CYFIP2: variants seen among roughly 807,000 people sequenced by gnomAD.
CYFIP2 encodes the protein cytoplasmic FMR1 interacting protein 2.
Under a neutral mutation model 158.7 loss-of-function variants are expected in CYFIP2, and 29 were observed. That is an observed-to-expected ratio of 0.18 (90% CI 0.14 to 0.25). The LOEUF (loss-of-function observed/expected upper bound fraction) is 0.25, where lower values mean the gene tolerates loss of function less well. CYFIP2 is among the 10% of genes least tolerant of loss of function. The probability of loss-of-function intolerance (pLI) is 1.00; values close to 1 mark genes in which losing one functional copy is unlikely to be tolerated. For missense variants in CYFIP2, 852 were observed against 1,639.5 expected (o/e 0.52, Z 8.29); for synonymous variants, 585 against 617.6 (o/e 0.95, Z 0.78).
chr5:157,377,328 T>C (rs966049306), intron 26 of CYFIP2, among the ~76,000 whole-genome samples: 1 of 152,116 alleles, frequency 6.6e-6, no homozygotes, highest in African/African-American at 2.4e-5. Context: ...CAGTCTACCT[T>C]GGCTCTCAGC....
Position 157,314,416 on chromosome 5 carries a change from C to A in CYFIP2, c.1183C>A (p.Arg395=). The change falls in exon 12 of 31, where the codon CGG becomes AGG. Residue 395 remains arginine, a synonymous_variant. Coordinates refer to ENST00000620254, the MANE Select transcript of CYFIP2 (RefSeq NM_001037333.3). ...EYRELFDLAL[R]GLQLLSKWSA... Reference sequence around the variant, plus strand: ...TCGCGAGCTCTTCGACCTAGCCCTGCGGGGTCTGCAGCTTCTATCCAAGTG... The same window carrying A: ...TCGCGAGCTCTTCGACCTAGCCCTGAGGGGTCTGCAGCTTCTATCCAAGTG... 1 of 1,613,786 alleles carries A rather than the reference C, an allele frequency of 6.2e-7. No individual in the cohort carries two copies. The highest frequency in any genetic ancestry group is 8.5e-7 in the Non-Finnish European group (1 of 1,179,802).
At chr5:157,314,211 T>C in intron 11 of CYFIP2, 133 bp from the exon 12 acceptor site, 1 of 1,189,592 alleles carries the variant, frequency 8.4e-7, no homozygotes, top group South Asian at 1.9e-5. Flanking sequence ...AAGGCACTTG[T>C]CTGAGCCTCA....
chr5:157,297,151 G>A (rs998343199), intron 5 of CYFIP2, among the ~76,000 whole-genome samples: 1 of 152,268 alleles, frequency 6.6e-6, no homozygotes, highest in East Asian at 1.9e-4. Flanking sequence ...GACTCAGAGA[G>A]AGAGGCTGAC....
intron 9 of CYFIP2, among the ~76,000 whole-genome samples, 176 bp from the exon 10 acceptor site, chr5:157,309,567 C>T (rs560942555): frequency 1.8e-4 from 27 of 152,272 alleles, no homozygotes; most frequent in African/African-American, 5.8e-4. Context: ...AGGACCTATA[C>T]GCTGGCTAGG....
At chr5:157,331,939 C>T (rs1761494379) in intron 20 of CYFIP2, among the ~76,000 whole-genome samples, 1 of 152,214 alleles carries the variant, frequency 6.6e-6, no homozygotes, top group Non-Finnish European at 1.5e-5. Context: ...TGCAGTAATG[C>T]CCGCGTGTAC....
chr5:157,350,624 A>G (rs556253514), intron 23 of CYFIP2, among the ~76,000 whole-genome samples: 84 of 152,186 alleles, frequency 5.5e-4, no homozygotes, highest in African/African-American at 1.6e-3. Flanking sequence ...TTTCAGTTTC[A>G]TATTCATTTT....
chr5:157,324,017 G>A lies in CYFIP2; in HGVS notation c.1768G>A (p.Ala590Thr). The A allele has an allele frequency of 3.1e-6, 5 of 1,613,654 alleles. No homozygotes were observed. The highest frequency in any genetic ancestry group is 4.2e-6 in the Non-Finnish European group (5 of 1,179,772). The change falls in exon 16 of 31, where the codon GCC becomes ACC. Residue 590 changes from alanine to threonine, a missense_variant. Transcript: ENST00000620254. ...CAGCCTGGATGGACCCATTGTCCTC[G>A]CCATAGAGGACTTTCACAAACAGTC... is the stretch of plus-strand genomic sequence containing the variant. ...RSSLDGPIVLAIEDFHKQSFF... is the reference protein window; with the variant it reads ...RSSLDGPIVLTIEDFHKQSFF...
At chr5:157,392,556 T>TA (rs1460433789) in intron 30 of CYFIP2, among the ~76,000 whole-genome samples, 9 of 152,346 alleles carry the variant, frequency 5.9e-5, no homozygotes, top group South Asian at 4.1e-4. Context: ...TTCTGGGCTC[T>TA]CTATTCTGTT....
At position 157,393,198 on chromosome 5, in the gene CYFIP2, A is replaced by G; in HGVS notation, c.*198A>G. The stretch of plus-strand genomic sequence containing the variant: ...GACATCTCCATGCTGGTTTCTCCAT[A>G]GCATAAATGAAAAAAAAAAAAAAAA... On this transcript the variant is annotated 3_prime_UTR_variant, in exon 31 of 31. Transcript: ENST00000620254. 2 of 405,940 alleles carry G rather than the reference A, an allele frequency of 4.9e-6. No individual in the cohort carries two copies. The highest frequency in any genetic ancestry group is 8.3e-6 in the Non-Finnish European group (2 of 240,574). The allele number at this position is 405,940 out of a possible 1,614,324, so 25.1% of individuals were successfully genotyped here.
At chr5:157,376,426 A>G (rs1765486039) in intron 26 of CYFIP2, 1 of 152,706 alleles carries the variant, frequency 6.5e-6, no homozygotes, top group Non-Finnish European at 1.5e-5. Context: ...CCCTGGCTCC[A>G]TGGTGTGTTT....
chr5:157,333,085 G>T (rs754558382), intron 20 of CYFIP2, among the ~76,000 whole-genome samples: 1 of 152,164 alleles, frequency 6.6e-6, no homozygotes, highest in Non-Finnish European at 1.5e-5. Flanking sequence ...CCGCCAGGCC[G>T]TTGGAATCCC....
rs181790284 is a variant in CYFIP2 at position 157,283,829 on chromosome 5, C to T, written c.-23-1510C>T. Among the ~76,000 whole-genome samples the T allele has an allele frequency of 9.9e-5, 15 of 152,232 alleles. No individual in the cohort carries two copies. The East Asian group carries it at 2.7e-3, about 27-fold the overall frequency. ...GCAGTTGTTTTAGTCCTTGGCAGCC[C>T]GTGGACCAAATTCTTGTGTTGATGG... is the stretch of plus-strand genomic sequence containing the variant. On this transcript the variant is annotated intron_variant, in intron 1 of 30. Coordinates refer to ENST00000620254, the MANE Select transcript of CYFIP2 (RefSeq NM_001037333.3).
chr5:157,359,263 A>G, intron 24 of CYFIP2, 115 bp downstream of exon 24: 1 of 1,129,626 alleles, frequency 8.9e-7, no homozygotes, highest in Non-Finnish European at 1.3e-6. Context: ...CTGCAGCTCT[A>G]CCTGTAGAAA....
chr5:157,272,431 G>A (rs759111784), intron 1 of CYFIP2, among the ~76,000 whole-genome samples: 3 of 152,196 alleles, frequency 2.0e-5, no homozygotes, highest in African/African-American at 4.8e-5. Flanking sequence ...TGATCAAAAC[G>A]ATATATACAA....
chr5:157,315,105 A>G lies in CYFIP2; in HGVS notation c.1356+11A>G, dbSNP rs1373104374. ...TTTGCCTTCGTTGAGGTAGGTGCAG[A>G]CTCCCTGCATCTCCCTCCCTCCCCA... is the stretch of plus-strand genomic sequence containing the variant. On this transcript the variant is annotated intron_variant, in intron 13 of 30. Transcript: ENST00000620254. 6.2e-7 allele frequency: 1 copy of G among 1,612,640 alleles called. No homozygotes were observed. The highest frequency in any genetic ancestry group is 1.7e-5 in the Admixed American group (1 of 59,878).
rs1237477468 is a variant in CYFIP2 at position 157,389,273 on chromosome 5, C to T, written c.3292C>T (p.Arg1098Cys). ...GTCCATGTTCGAGGTCATCCTGACC[C>T]GCATTCGGAGCTACCTGCAGGACCC... ...GLSMFEVILTRIRSYLQDPIW... is the reference protein window; with the variant it reads ...GLSMFEVILTCIRSYLQDPIW... The change falls in exon 29 of 31, where the codon CGC becomes TGC. Residue 1098 changes from arginine to cysteine, a missense_variant. Arg to Cys is a radical substitution (Grantham distance 180). Coordinates refer to ENST00000620254, the MANE Select transcript of CYFIP2 (RefSeq NM_001037333.3). 2.5e-6 allele frequency: 4 copies of T among 1,614,078 alleles called. No homozygotes were observed. Among genetic ancestry groups the T allele is most frequent in the Non-Finnish European group, 3.4e-6 (4 of 1,179,898 alleles).
chr5:157,301,745 A>T (rs1758767917), intron 6 of CYFIP2, among the ~76,000 whole-genome samples: 1 of 152,180 alleles, frequency 6.6e-6, no homozygotes, highest in Non-Finnish European at 1.5e-5. Context: ...CCTGGAAACC[A>T]TAATGAGACC....
rs372259482 is a variant in CYFIP2, at chr5:157,315,037, A to G, written c.1299A>G (p.Glu433=). 2.9e-4 allele frequency: 469 copies of G among 1,612,296 alleles called. 5 individuals carry two copies. In the South Asian group the frequency reaches 4.6e-3, roughly 16 times the overall value. The change falls in exon 13 of 31, where the codon GAA becomes GAG. Residue 433 remains glutamate, a synonymous_variant. Coordinates refer to ENST00000620254, the MANE Select transcript of CYFIP2 (RefSeq NM_001037333.3). The stretch of plus-strand genomic sequence containing the variant: ...AGGACTGTCCTGGCACCGCGGAGGA[A>G]TATGAGAGAGCCACACGCTACAATT... ...CNKDCPGTAE[E]YERATRYNYT...
Position 157,309,968 on chromosome 5 carries a change from G to A in CYFIP2, c.992+134G>A, listed in dbSNP as rs1173466647. The A allele has an allele frequency of 3.0e-5, 26 of 855,332 alleles. 1 individual carries two copies. The highest frequency in any genetic ancestry group is 4.4e-5 in the Non-Finnish European group (24 of 545,748). 53.0% of individuals were successfully genotyped at this position (855,332 alleles called of 1,614,324 possible). ...GGATTCCATCAGAACACAGGTGCCG[G>A]CCGGAGGGGAGCCGCGAGGGTGCTC... On this transcript the variant is annotated intron_variant, in intron 10 of 30. Coordinates refer to ENST00000620254, the MANE Select transcript of CYFIP2 (RefSeq NM_001037333.3).
Sources: allele counts gnomAD v4.1 joint callset (sites outside exome capture counted in the v4.1 genomes callset), GRCh38; gene constraint gnomAD v4.1.1; transcripts MANE v1.5; gene names NCBI Gene and HGNC (gene_info 2026-07-23, HGNC 2026-07-21).